Variants in ACSM5 observed in about 807,000 individuals in gnomAD.
ACSM5 encodes the protein acyl-CoA synthetase medium chain family member 5, also known as acyl-coenzyme A synthetase ACSM5, mitochondrial.
ACSM5 carries 56 observed loss-of-function variants against 71.6 expected under a neutral mutation model. The ratio of observed to expected loss-of-function variants is 0.78; its 90% CI spans 0.63 to 0.98. The LOEUF (loss-of-function observed/expected upper bound fraction) is 0.98, where lower values mean the gene tolerates loss of function less well. Ranked by LOEUF, ACSM5 falls within the 50% of genes least tolerant of loss-of-function variation. The probability of loss-of-function intolerance (pLI) is 0.00; values close to 1 mark genes in which losing one functional copy is unlikely to be tolerated. For missense variants in ACSM5, 723 were observed against 726.0 expected (o/e 1.00, Z 0.05); for synonymous variants, 285 against 281.5 (o/e 1.01, Z -0.12).
Position 20,431,244 on chromosome 16 carries a change from C to G in ACSM5, c.1231C>G (p.Leu411Val). 6.2e-7 allele frequency: 1 copy of G among 1,614,164 alleles called. No individual in the cohort carries two copies. The highest frequency in any genetic ancestry group is 1.6e-4 in the Middle Eastern group (1 of 6,062). Residue 411 changes from leucine (L) to valine (V), a missense_variant, in exon 10 of 14, where the codon CTG (leucine) becomes GTG (valine). Coordinates refer to ENST00000331849, the MANE Select transcript of ACSM5 (RefSeq NM_017888.3). ...GATTGTGGATGATGAGGGCAACGTC[C>G]TGCCTCCTGGAGAAGAGGGGAATGT... ...VQIVDDEGNV[L>V]PPGEEGNVAV... is the part of the protein sequence containing the mutation.
At position 20,421,367 on chromosome 16, in the gene ACSM5, A is replaced by G; in HGVS notation, c.733A>G (p.Ser245Gly). The change falls in exon 5 of 14, where the codon AGC (serine) becomes GGC (glycine). Residue 245 changes from serine to glycine, a missense_variant. Ser to Gly is a moderately conservative substitution (Grantham distance 56). Transcript: ENST00000331849. ...CCCCAAGATGGTCGAGCACTCCCAG[A>G]GCAGCTACGGACTGGGTTTTGTGGC... ...GAPKMVEHSQ[S>G]SYGLGFVASG... 6.2e-7 allele frequency: 1 copy of G among 1,606,370 alleles called. No individual in the cohort carries two copies. Among genetic ancestry groups the G allele is most frequent in the Non-Finnish European group, 8.5e-7 (1 of 1,175,994 alleles).
At chr16:20,421,615 C>CTATATATATA (rs59443556) in intron 5 of ACSM5, among the ~76,000 whole-genome samples, 20 of 105,818 alleles carry the variant, frequency 1.9e-4, no homozygotes, top group African/African-American at 4.1e-4. Context: ...TAAATCGTGG[C>CTATATATATA]TATATATATA....
At chr16:20,433,569 C>T (rs72776693) in intron 10 of ACSM5, among the ~76,000 whole-genome samples, 4,461 of 151,492 alleles carry the variant, frequency 0.029, 83 homozygotes, top group Non-Finnish European at 0.043. Context: ...AGCAAAAAAA[C>T]AAAAGAAAAG....
chr16:20,421,548 C>G, intron 5 of ACSM5, 147 bp downstream of exon 5: 1 of 689,880 alleles, frequency 1.4e-6, no homozygotes, highest in Non-Finnish European at 2.0e-6. Context: ...TAGGAAGGAT[C>G]TTGATGGTTC....
At chr16:20,426,188 G>A (rs1388729743) in intron 6 of ACSM5, among the ~76,000 whole-genome samples, 14 of 152,300 alleles carry the variant, frequency 9.2e-5, no homozygotes, top group South Asian at 6.2e-4. Flanking sequence ...CATATTGATT[G>A]TTATCATCAT....
At chr16:20,436,043 TTC>T (rs1967188880) in intron 10 of ACSM5, among the ~76,000 whole-genome samples, 4 of 149,926 alleles carry the variant, frequency 2.7e-5, no homozygotes, top group African/African-American at 7.4e-5. Context: ...TTTTCTTTCT[TTC>T]TCTTTCTTTC....
In ACSM5 at chr16:20,429,721, G is replaced by A. The variant is rs1399515824; in HGVS notation, c.1045G>A (p.Ala349Thr). The change falls in exon 8 of 14, where the codon GCC becomes ACC. Residue 349 changes from alanine (A) to threonine (T), a missense_variant. Physicochemically the swap from Ala to Thr is moderately conservative, Grantham distance 58 (BLOSUM62 0). Coordinates refer to ENST00000331849, the MANE Select transcript of ACSM5 (RefSeq NM_017888.3). ...GAGGCACTGTCTGACCGGAGGAGAGGCCCTCAACCCTGACGTGAGGGAGAA... is the reference window on the plus strand; with the variant it reads ...GAGGCACTGTCTGACCGGAGGAGAGACCCTCAACCCTGACGTGAGGGAGAA... Reference protein sequence around the residue: ...SLRHCLTGGEALNPDVREKWK... With the variant: ...SLRHCLTGGETLNPDVREKWK... The A allele has an allele frequency of 6.2e-7, 1 of 1,613,856 alleles. No homozygotes were observed. Among genetic ancestry groups the A allele is most frequent in the South Asian group, 1.1e-5 (1 of 91,056 alleles).
chr16:20,427,174 A>C (rs1327221712), intron 6 of ACSM5, among the ~76,000 whole-genome samples: 1 of 151,882 alleles, frequency 6.6e-6, no homozygotes, highest in Non-Finnish European at 1.5e-5. Flanking sequence ...GGTGGTGGGC[A>C]CCTGTAATCC....
At chr16:20,434,396 A>G in intron 10 of ACSM5, among the ~76,000 whole-genome samples, 1 of 152,210 alleles carries the variant, frequency 6.6e-6, no homozygotes, top group African/African-American at 2.4e-5. Flanking sequence ...TTTGTCAGAT[A>G]TAAAAGTTTA....
chr16:20,437,313 T>C lies in ACSM5; in HGVS notation c.1482T>C (p.His494=), dbSNP rs745672336. The C allele has an allele frequency of 6.2e-7, 1 of 1,614,118 alleles. No individual in the cohort carries two copies. The highest frequency in any genetic ancestry group is 1.1e-5 in the South Asian group (1 of 91,080). ...AAGTGGAAAGTGCCCTGGCAGAGCA[T>C]CCTGCTGTCCTGGAGTCGGCTGTGG... ...PVEVESALAE[H]PAVLESAVVS... The change falls in exon 12 of 14, where the codon CAT becomes CAC. Residue 494 remains histidine, a synonymous_variant. Coordinates refer to ENST00000331849, the MANE Select transcript of ACSM5 (RefSeq NM_017888.3).
intron 8 of ACSM5, 25 bp from the exon 9 acceptor site, chr16:20,430,968 T>C: frequency 4.4e-6 from 7 of 1,583,900 alleles, no homozygotes; most frequent in Non-Finnish European, 6.0e-6. Flanking sequence ...AAGGCTCTTC[T>C]TTATCTGTAC....
At chr16:20,430,200 T>C (rs1967066494) in intron 8 of ACSM5, among the ~76,000 whole-genome samples, 1 of 144,760 alleles carries the variant, frequency 6.9e-6, no homozygotes, top group South Asian at 2.2e-4. Context: ...GCTATTGAAA[T>C]ACACACACAC....
At chr16:20,432,407 T>G (rs1967116185) in intron 10 of ACSM5, among the ~76,000 whole-genome samples, 1 of 152,192 alleles carries the variant, frequency 6.6e-6, no homozygotes, top group South Asian at 2.1e-4. Flanking sequence ...GTCCATTTCT[T>G]TTCAAAATGT....
chr16:20,431,189 G>A lies in ACSM5; in HGVS notation c.1207-31G>A, dbSNP rs754707445. ...AGAGGCCCAGGGTGTAGACACTCAC[G>A]TATGCACCTCTGTGATGATTTCCTT... On this transcript the variant is annotated intron_variant, in intron 9 of 13. Transcript: ENST00000331849. The A allele has an allele frequency of 1.7e-5, 28 of 1,604,394 alleles. No homozygotes were observed. The South Asian group carries it at 2.0e-4, about 11-fold the overall frequency.
At chr16:20,438,981 G>GCA in intron 12 of ACSM5, among the ~76,000 whole-genome samples, 1 of 126,094 alleles carries the variant, frequency 7.9e-6, no homozygotes, top group African/African-American at 3.1e-5. Flanking sequence ...AAAAAAAAGT[G>GCA]TCCAACAAAT....
chr16:20,419,533 A>T, intron 4 of ACSM5, 98 bp downstream of exon 4: 1 of 1,226,998 alleles, frequency 8.1e-7, no homozygotes, highest in Non-Finnish European at 1.2e-6. Flanking sequence ...ATAGAGAGCG[A>T]ATCAGAGAGG....
chr16:20,425,262 C>T (rs1009938437), intron 6 of ACSM5, among the ~76,000 whole-genome samples: 4 of 151,668 alleles, frequency 2.6e-5, no homozygotes, highest in African/African-American at 9.7e-5. Context: ...TCTTTATGTG[C>T]CTGGCTTATT....
chr16:20,426,070 C>G (rs1360140421), intron 6 of ACSM5, among the ~76,000 whole-genome samples: 5 of 152,182 alleles, frequency 3.3e-5, no homozygotes, highest in Non-Finnish European at 5.9e-5. Flanking sequence ...GTTCCTTGTT[C>G]ACTGCATCCA....
intron 7 of ACSM5, among the ~76,000 whole-genome samples, 194 bp downstream of exon 7, chr16:20,428,061 C>T (rs1967024807): frequency 6.6e-6 from 1 of 152,178 alleles, no homozygotes; most frequent in Non-Finnish European, 1.5e-5. Context: ...AGTCAACATA[C>T]CTGTAAATCT....
Sources: allele counts gnomAD v4.1 joint callset (sites outside exome capture counted in the v4.1 genomes callset), GRCh38; gene constraint gnomAD v4.1.1; transcripts MANE v1.5; gene names NCBI Gene and HGNC (gene_info 2026-07-23, HGNC 2026-07-21).